The following MME variants were observed in gnomAD, a reference collection of about 807,000 sequenced individuals.
MME encodes the protein membrane metalloendopeptidase.
Under a neutral mutation model 113.2 loss-of-function variants are expected in MME, and 98 were observed. That is an observed-to-expected ratio of 0.87 (90% confidence interval 0.74 to 1.02). The LOEUF is 1.02. MME is among the 50% of genes least tolerant of loss of function. The probability of loss-of-function intolerance (pLI) is 0.00; values close to 1 mark genes in which losing one functional copy is unlikely to be tolerated. For synonymous variants in MME, 292 were observed against 300.6 expected (o/e 0.97, Z 0.30); for missense variants, 836 against 896.0 (o/e 0.93, Z 0.86).
At chr3:155,117,503 C>T (rs943770653) in intron 7 of MME, among the ~76,000 whole-genome samples, 1 of 151,108 alleles carries the variant, frequency 6.6e-6, no homozygotes, top group Non-Finnish European at 1.5e-5. Context: ...CAAATGTAAA[C>T]AATTTGATTT....
Position 155,180,494 on chromosome 3 carries a change from T to G in MME, c.*35T>G, listed in dbSNP as rs762649484. Reference sequence around the variant, plus strand: ...GAAGCATTGCAGCCCTTGGCTAGACTTGCCAACACCACAGAAATGGGGAAT... The same window carrying G: ...GAAGCATTGCAGCCCTTGGCTAGACGTGCCAACACCACAGAAATGGGGAAT... On this transcript the variant is annotated 3_prime_UTR_variant, in exon 23 of 23. Transcript: ENST00000360490. 2.0e-6 allele frequency: 3 copies of G among 1,496,592 alleles called. No individual in the cohort carries two copies. The highest frequency in any genetic ancestry group is 2.8e-6 in the Non-Finnish European group (3 of 1,073,282). 92.7% of individuals were successfully genotyped at this position (1,496,592 alleles called of 1,614,324 possible).
chr3:155,030,208 T>C (rs1332024960), intron 1 of MME, among the ~76,000 whole-genome samples: 3 of 152,174 alleles, frequency 2.0e-5, no homozygotes, highest in Non-Finnish European at 4.4e-5. Flanking sequence ...TTATATAAAC[T>C]TTAAGCCAAT....
intron 1 of MME, among the ~76,000 whole-genome samples, chr3:155,043,675 T>C (rs1713438096): frequency 1.3e-5 from 2 of 152,252 alleles, no homozygotes; most frequent in South Asian, 2.1e-4. Flanking sequence ...CTTCATAATA[T>C]ATTAATTTCC....
chr3:155,142,826 A>T (rs1304624101), intron 12 of MME, among the ~76,000 whole-genome samples: 1 of 152,034 alleles, frequency 6.6e-6, no homozygotes, highest in Admixed American at 6.6e-5. Flanking sequence ...TGGTGAGGGG[A>T]GTAGGCAGTA....
chr3:155,078,659 A>ATGTATG (rs1553752775), upstream of MME, among the ~76,000 whole-genome samples: 1 of 141,844 alleles, frequency 7.1e-6, no homozygotes, highest in Non-Finnish European at 1.5e-5. Context: ...ATGTGTGTGT[A>ATGTATG]TGTGTGTGTG....
intron 18 of MME, among the ~76,000 whole-genome samples, chr3:155,167,578 A>ATAGTTC (rs1362794764): frequency 2.6e-5 from 4 of 152,202 alleles, no homozygotes; most frequent in Non-Finnish European, 5.9e-5. Context: ...TAAAGACGTG[A>ATAGTTC]AATATGTAAA....
intron 1 of MME, among the ~76,000 whole-genome samples, chr3:155,036,478 T>C (rs1028808461): frequency 4.6e-5 from 7 of 152,298 alleles, no homozygotes; most frequent in African/African-American, 1.7e-4. Flanking sequence ...TTTGTCCCTA[T>C]ACCTTTAATT....
chr3:155,160,079 T>G (rs537890369), intron 16 of MME, among the ~76,000 whole-genome samples: 29 of 152,150 alleles, frequency 1.9e-4, no homozygotes, highest in African/African-American at 7.0e-4. Flanking sequence ...TAAATAAATT[T>G]CAATACAATC....
At chr3:155,075,959 A>G (rs1202610155), upstream of MME, among the ~76,000 whole-genome samples, 3 of 152,136 alleles carry the variant, frequency 2.0e-5, no homozygotes, top group Admixed American at 2.0e-4. Flanking sequence ...TTATGTTGTT[A>G]CTATATTCTT....
chr3:155,100,923 C>A (rs1228669174), intron 3 of MME, among the ~76,000 whole-genome samples: 2 of 152,144 alleles, frequency 1.3e-5, no homozygotes, highest in Non-Finnish European at 2.9e-5. Flanking sequence ...GATATTTGTC[C>A]TCGCCCAAAT....
At chr3:155,146,376 A>C (rs906798170) in intron 14 of MME, among the ~76,000 whole-genome samples, 2 of 151,840 alleles carry the variant, frequency 1.3e-5, no homozygotes, top group African/African-American at 4.8e-5. Context: ...AAATACAAAA[A>C]TTATCTGGGC....
At chr3:155,090,495 C>A (rs770824297) in intron 3 of MME, 1 of 151,934 alleles carries the variant, frequency 6.6e-6, no homozygotes, top group African/African-American at 2.4e-5. Flanking sequence ...AAAAATAAAA[C>A]GATTATAATA....
intron 1 of MME, among the ~76,000 whole-genome samples, chr3:155,044,334 T>C (rs1361274400): frequency 6.6e-6 from 1 of 151,640 alleles, no homozygotes; most frequent in African/African-American, 2.4e-5. Flanking sequence ...GATTTCAATA[T>C]ATTGGCCAGG....
Position 155,140,194 on chromosome 3 carries a change from ACG to A in MME, c.860_861del (p.Thr287SerfsTer2). ...MELEKEIANA[T>X]AKPEDRNDPM... ...TGATTAAAAATTAAATCCATAGGCT[ACG>A]GCTAAACCTGAAGATCGAAATGATC... On this transcript the variant is annotated frameshift_variant, in exon 10 of 23. Coordinates refer to ENST00000360490, the MANE Select transcript of MME (RefSeq NM_007289.4). LOFTEE classifies it high-confidence loss of function. 6.2e-7 allele frequency: 1 copy of A among 1,607,562 alleles called. No homozygotes were observed. Among genetic ancestry groups the A allele is most frequent in the Non-Finnish European group, 8.5e-7 (1 of 1,175,344 alleles).
At chr3:155,051,550 G>A (rs1713763976) in intron 1 of MME, among the ~76,000 whole-genome samples, 1 of 152,160 alleles carries the variant, frequency 6.6e-6, no homozygotes, top group Admixed American at 6.6e-5. Flanking sequence ...GGTGAGAGAA[G>A]TGAGTGCCAA....
chr3:155,164,822 G>T (rs1031757380), intron 17 of MME, among the ~76,000 whole-genome samples: 1 of 152,154 alleles, frequency 6.6e-6, no homozygotes, highest in Non-Finnish European at 1.5e-5. Context: ...ATTCTCTAAA[G>T]ACAAAAGTAC....
At chr3:155,115,207 T>C (rs763223013) in intron 4 of MME, 52 bp downstream of exon 4, 1 of 1,585,332 alleles carries the variant, frequency 6.3e-7, no homozygotes, top group Non-Finnish European at 8.6e-7. Context: ...AATATGTTCA[T>C]TTTTTAAATA....
intron 3 of MME, among the ~76,000 whole-genome samples, chr3:155,111,552 C>T (rs922810835): frequency 6.6e-6 from 1 of 152,182 alleles, no homozygotes; most frequent in African/African-American, 2.4e-5. Context: ...GTGGGAAGTA[C>T]AGTTGCTTTT....
chr3:155,171,418 A>C (rs1409252347), intron 20 of MME, among the ~76,000 whole-genome samples: 1 of 152,198 alleles, frequency 6.6e-6, no homozygotes, highest in Non-Finnish European at 1.5e-5. Context: ...TGGAAATGAC[A>C]CATCTCAGAA....
Sources: allele counts gnomAD v4.1 joint callset (sites outside exome capture counted in the v4.1 genomes callset), GRCh38; gene constraint gnomAD v4.1.1; transcripts MANE v1.5; gene names NCBI Gene and HGNC (gene_info 2026-07-23, HGNC 2026-07-21).